The following TJP1 variants were observed in gnomAD, a reference collection of about 807,000 sequenced individuals.
TJP1 encodes the protein tight junction protein 1.
A neutral mutation model predicts 194.2 loss-of-function variants in TJP1; 43 were observed. The observed-to-expected ratio is 0.22, with a 90% CI of 0.17 to 0.29. TJP1 has a LOEUF of 0.29. TJP1 is among the 10% of genes least tolerant of loss of function. TJP1 has a pLI of 1.00. For synonymous variants in TJP1, 801 were observed against 779.0 expected (o/e 1.03, Z -0.47); for missense variants, 1,971 against 2,185.7 (o/e 0.90, Z 1.96).
intron 2 of TJP1, among the ~76,000 whole-genome samples, chr15:29,949,445 AC>A: frequency 7.3e-6 from 1 of 137,282 alleles, no homozygotes. Context: ...CTCCACCTCC[AC>A]CTTCACCACC....
chr15:29,966,609 A>G (rs141533737), intron 1 of TJP1, among the ~76,000 whole-genome samples: 4,125 of 152,306 alleles, frequency 0.027, 117 homozygotes, highest in Admixed American at 0.082. Context: ...GAATCCATTT[A>G]TTCAACAAAT....
At chr15:29,815,611 G>A (rs1282658462) in intron 1 of TJP1, among the ~76,000 whole-genome samples, 1 of 152,248 alleles carries the variant, frequency 6.6e-6, no homozygotes, top group Non-Finnish European at 1.5e-5. Context: ...TCACAGATGG[G>A]TGGCACTACA....
At chr15:29,758,164 TA>T (rs1314311103) in intron 8 of TJP1, among the ~76,000 whole-genome samples, 4 of 152,186 alleles carry the variant, frequency 2.6e-5, no homozygotes, top group African/African-American at 9.7e-5. Flanking sequence ...AACAGTAGGC[TA>T]TTAATAGTTA....
chr15:29,937,416 T>C (rs1234660855), intron 2 of TJP1, among the ~76,000 whole-genome samples: 3 of 152,126 alleles, frequency 2.0e-5, no homozygotes, highest in Admixed American at 2.0e-4. Flanking sequence ...AATCTAAAAC[T>C]AATCTAAGAA....
chr15:29,837,317 G>A (rs1285667367), intron 2 of TJP1, among the ~76,000 whole-genome samples: 1 of 152,122 alleles, frequency 6.6e-6, no homozygotes, highest in East Asian at 1.9e-4. Flanking sequence ...CTAGCACTTT[G>A]GTAGGCTGAT....
Position 29,718,362 on chromosome 15 carries a change from C to T in TJP1, c.3780G>A (p.Lys1260=). 6.2e-7 allele frequency: 1 copy of T among 1,614,078 alleles called. No individual in the cohort carries two copies. Among genetic ancestry groups the T allele is most frequent in the South Asian group, 1.1e-5 (1 of 91,078 alleles). Reference sequence around the variant, plus strand: ...TAACTCTGGTGAGTACAGACTGTGGCTTCATTGCTGGATCTTCCTCTTCTT... The same window carrying T: ...TAACTCTGGTGAGTACAGACTGTGGTTTCATTGCTGGATCTTCCTCTTCTT... ...QTEEEEDPAM[K]PQSVLTRVKM... is the part of the protein sequence containing the mutation. The change falls in exon 21 of 28, where the codon AAG becomes AAA. Residue 1260 remains lysine, a synonymous_variant. Coordinates refer to ENST00000614355, the MANE Select transcript of TJP1 (RefSeq NM_001330239.4).
Position 29,944,071 on chromosome 15 carries a change from A to AATTTATTT in TJP1, c.306+12153_306+12160dup, listed in dbSNP as rs145798029. Among the ~76,000 whole-genome samples, 635 of 151,466 alleles carry AATTTATTT rather than the reference A, an allele frequency of 4.2e-3. 3 individuals carry two copies. Among genetic ancestry groups the AATTTATTT allele is most frequent in the Non-Finnish European group, 7.2e-3 (487 of 67,832 alleles). The stretch of plus-strand genomic sequence containing the variant: ...GTTAGAAAACAGGTACTTGACTTTA[A>AATTTATTT]ATTTATTTATTTATTTATTTATTTA... On this transcript the variant is annotated intron_variant, in intron 2 of 28. Coordinates refer to the TJP1 transcript ENST00000356107.
rs749254818 is a variant in TJP1 at position 29,708,870 on chromosome 15, A to C, written c.4539T>G (p.Thr1513=). The change falls in exon 25 of 28, where the codon ACT becomes ACG. Residue 1513 remains threonine (T), a synonymous_variant. Transcript: ENST00000614355. ...SFPDKAPVNG[T]EQTQKTVTPA... The stretch of plus-strand genomic sequence containing the variant: ...GAGTGACTGTTTTCTGAGTCTGTTC[A>C]GTTCCATTAACTGGGGCTTTATCTG... 3.1e-6 allele frequency: 5 copies of C among 1,614,030 alleles called. No individual in the cohort carries two copies. Among genetic ancestry groups the C allele is most frequent in the Non-Finnish European group, 4.2e-6 (5 of 1,180,038 alleles).
At chr15:29,947,496 T>C (rs566877932) in intron 2 of TJP1, among the ~76,000 whole-genome samples, 1 of 152,024 alleles carries the variant, frequency 6.6e-6, no homozygotes, top group East Asian at 1.9e-4. Context: ...TGCTGGGAGG[T>C]CTGGCGGAGC....
intron 2 of TJP1, among the ~76,000 whole-genome samples, chr15:29,947,405 C>A (rs1373193071): frequency 6.6e-6 from 1 of 152,140 alleles, no homozygotes. Flanking sequence ...CTGAAAATGC[C>A]ATGACAGCAA....
rs146901316 is a variant in TJP1, at chr15:29,854,958, C to G, written c.307-54256G>C. On this transcript the variant is annotated intron_variant, in intron 2 of 28. Transcript: ENST00000356107. ...TTCTGTTCAAAGAGAAGCAGTACTA[C>G]CAAGATATCAAATAAATAATTCCTT... Among the ~76,000 whole-genome samples, 183 of 152,140 alleles carry G rather than the reference C, an allele frequency of 1.2e-3. 2 individuals carry two copies. Among genetic ancestry groups the G allele is most frequent in the Non-Finnish European group, 1.3e-3 (89 of 67,990 alleles).
At chr15:29,786,580 A>C (rs577940777) in intron 2 of TJP1, among the ~76,000 whole-genome samples, 1 of 152,250 alleles carries the variant, frequency 6.6e-6, no homozygotes, top group Non-Finnish European at 1.5e-5. Flanking sequence ...GCTGACTGTA[A>C]CCTCAAACTC....
In TJP1 at chr15:29,726,588, G is replaced by T. The variant is rs957973261; in HGVS notation, c.2312-109C>A. ...GTCATTACTGAAAGATGGTATCTGA[G>T]GATGCAAACATTTGAAATTTCTATT... On this transcript the variant is annotated intron_variant, in intron 17 of 27. Coordinates refer to ENST00000614355, the MANE Select transcript of TJP1 (RefSeq NM_001330239.4). 5 of 1,223,836 alleles carry T rather than the reference G, an allele frequency of 4.1e-6. No homozygotes were observed. In the African/African-American group the frequency reaches 6.1e-5, roughly 15 times the overall value. 75.8% of individuals were successfully genotyped at this position (1,223,836 alleles called of 1,614,324 possible). A position where few individuals can be genotyped will look rare whatever the true frequency, so the allele number is the denominator to read the frequency against.
chr15:29,874,438 T>C (rs900126474), intron 2 of TJP1, among the ~76,000 whole-genome samples: 3 of 152,080 alleles, frequency 2.0e-5, no homozygotes, highest in African/African-American at 2.4e-5. Context: ...GAGGACATGA[T>C]TGGGGCTGGC....
At chr15:29,785,938 T>C (rs1425239324) in intron 2 of TJP1, among the ~76,000 whole-genome samples, 3 of 152,204 alleles carry the variant, frequency 2.0e-5, no homozygotes, top group African/African-American at 7.2e-5. Context: ...CTCCACAGAT[T>C]TGAGTTCCCT....
chr15:29,903,499 C>T (rs1247956804), intron 2 of TJP1, among the ~76,000 whole-genome samples: 1 of 151,900 alleles, frequency 6.6e-6, no homozygotes, highest in Non-Finnish European at 1.5e-5. Flanking sequence ...GGCTGGAGTG[C>T]AGTGGAGTGA....
At chr15:29,940,293 A>G (rs750429666) in intron 2 of TJP1, among the ~76,000 whole-genome samples, 3 of 152,196 alleles carry the variant, frequency 2.0e-5, no homozygotes, top group Non-Finnish European at 2.9e-5. Flanking sequence ...CAGCACACAG[A>G]GCGTGTGCCC....
chr15:29,895,150 C>A (rs1368050392), intron 2 of TJP1, among the ~76,000 whole-genome samples: 1 of 152,194 alleles, frequency 6.6e-6, no homozygotes, highest in African/African-American at 2.4e-5. Context: ...TGGATTCACA[C>A]CAATCTCATC....
At chr15:29,824,236 G>A (rs1181701235), upstream of TJP1, among the ~76,000 whole-genome samples, 1 of 151,718 alleles carries the variant, frequency 6.6e-6, no homozygotes, top group Non-Finnish European at 1.5e-5. Context: ...TTGAGGTCAG[G>A]AGTTCGAAAC....
Sources: gnomAD v4.1 joint callset for allele counts (sites outside exome capture counted in the v4.1 genomes callset) on GRCh38, gnomAD v4.1.1 for gene constraint, MANE v1.5 for transcripts, NCBI Gene and HGNC (gene_info 2026-07-23, HGNC 2026-07-21) for gene names.